MARCHF2: variants seen among roughly 807,000 people sequenced by gnomAD.
MARCHF2 encodes the protein membrane associated ring-CH-type finger 2, also known as E3 ubiquitin-protein ligase MARCHF2.
A neutral mutation model predicts 24.0 loss-of-function variants in MARCHF2; 22 were observed. The ratio of observed to expected loss-of-function variants is 0.92; its 90% CI spans 0.66 to 1.31. MARCHF2 has a LOEUF of 1.31. Ranked by LOEUF, MARCHF2 falls within the 50% of genes most tolerant of loss-of-function variation. MARCHF2 has a pLI of 0.00. For missense variants in MARCHF2, 301 were observed against 335.3 expected, an observed-to-expected ratio of 0.90 and a Z score of 0.80; for synonymous variants, 154 against 153.0, an observed-to-expected ratio of 1.01 and a Z score of -0.05.
At chr19:8,415,737 A>AC (rs377116750) in intron 1 of MARCHF2, among the ~76,000 whole-genome samples, 28,882 of 96,810 alleles carry the variant, frequency 0.3, 5,995 homozygotes, top group Admixed American at 0.39. Context: ...AAAAAAAACA[A>AC]AAAAAACAAA....
intron 4 of MARCHF2, among the ~76,000 whole-genome samples, chr19:8,434,081 CTTTTTTT>C (rs750325194): frequency 2.8e-5 from 3 of 105,994 alleles, no homozygotes; most frequent in African/African-American, 9.9e-5. Context: ...ACCAGCATTT[CTTTTTTT>C]TTTTTTTTTT....
At chr19:8,434,976 G>A (rs1478190062) in intron 4 of MARCHF2, among the ~76,000 whole-genome samples, 1 of 151,682 alleles carries the variant, frequency 6.6e-6, no homozygotes, top group Non-Finnish European at 1.5e-5. Flanking sequence ...AAAATGCTGG[G>A]ATTATAGGCG....
At position 8,426,002 on chromosome 19, in the gene MARCHF2, C is replaced by T. The variant is rs546284896; in HGVS notation, c.177-607C>T. Among the ~76,000 whole-genome samples the T allele has an allele frequency of 1.6e-3, 235 of 151,512 alleles. 1 individual carries two copies. Among genetic ancestry groups the T allele is most frequent in the Middle Eastern group, 0.01 (3 of 294 alleles). On this transcript the variant is annotated intron_variant, in intron 2 of 4. Coordinates refer to ENST00000215555, the MANE Select transcript of MARCHF2 (RefSeq NM_001005415.2). The stretch of plus-strand genomic sequence containing the variant: ...CAGCACTTTGGGAGCCTGAGGCAGG[C>T]GGATCACAATATCAGGAGATCGAGA...
intron 4 of MARCHF2, among the ~76,000 whole-genome samples, chr19:8,436,171 G>T (rs1194021669): frequency 6.6e-6 from 1 of 151,444 alleles, no homozygotes; most frequent in South Asian, 2.1e-4. Context: ...GAGTCTCACT[G>T]TGTGCCAGGC....
chr19:8,418,265 G>T (rs1388621131), intron 1 of MARCHF2: 1 of 152,256 alleles, frequency 6.6e-6, no homozygotes, highest in Non-Finnish European at 1.5e-5. Flanking sequence ...TGCCCTGTGG[G>T]TGTTATCTCA....
intron 2 of MARCHF2, chr19:8,423,771 TGA>T (rs1967318021): frequency 6.6e-6 from 1 of 152,010 alleles, no homozygotes; most frequent in South Asian, 2.1e-4. Flanking sequence ...AGTCCAAGGC[TGA>T]AGGATCGCTT....
In MARCHF2 at chr19:8,426,742, A is replaced by C. The variant is rs1222841978; in HGVS notation, c.310A>C (p.Ser104Arg). ...GAAGTGGCTTTCCTCATCTAACACC[A>C]GCTACTGCGAGCTGTGCCACACGGA... is the stretch of plus-strand genomic sequence containing the variant. ...LEKWLSSSNT[S>R]YCELCHTEFA... The change falls in exon 3 of 5, where the codon AGC becomes CGC. Residue 104 changes from serine (S) to arginine (R), a missense_variant. Coordinates refer to ENST00000215555, the MANE Select transcript of MARCHF2 (RefSeq NM_001005415.2). 5 of 1,612,666 alleles carry C rather than the reference A, an allele frequency of 3.1e-6. No homozygotes were observed. In the African/African-American group the frequency reaches 5.3e-5, roughly 17 times the overall value.
rs542934378 is a variant in MARCHF2 at position 8,424,846 on chromosome 19, G to A, written c.177-1763G>A. On this transcript the variant is annotated intron_variant, in intron 2 of 4. Transcript: ENST00000215555. ...CAAAGAATTTTAGGAATAGATTATC[G>A]GTGACTCTGATGGTATCATACAAGC... 1.8e-4 allele frequency among the ~76,000 whole-genome samples: 28 copies of A among 152,204 alleles called. No homozygotes were observed. The East Asian group carries it at 3.5e-3, about 19-fold the overall frequency.
chr19:8,426,655 T>G lies in MARCHF2; in HGVS notation c.223T>G (p.Cys75Gly). ...RICHEGANGE[C>G]LLSPCGCTGT... ...CTGCCATGAGGGAGCGAACGGGGAG[T>G]GCTTGCTGTCCCCGTGTGGCTGCAC... The change falls in exon 3 of 5, where the codon TGC becomes GGC. Residue 75 changes from cysteine to glycine, a missense_variant. Cys to Gly is a radical substitution (Grantham distance 159). Coordinates refer to ENST00000215555, the MANE Select transcript of MARCHF2 (RefSeq NM_001005415.2). The G allele has an allele frequency of 6.2e-7, 1 of 1,613,526 alleles. No homozygotes were observed. Among genetic ancestry groups the G allele is most frequent in the Non-Finnish European group, 8.5e-7 (1 of 1,179,904 alleles).
At chr19:8,426,253 AGAGTT>A (rs1347774000) in intron 2 of MARCHF2, among the ~76,000 whole-genome samples, 1 of 147,128 alleles carries the variant, frequency 6.8e-6, no homozygotes, top group Non-Finnish European at 1.5e-5. Context: ...AAAAAAAAAA[AGAGTT>A]GAGGGTGGGG....
intron 4 of MARCHF2, among the ~76,000 whole-genome samples, chr19:8,434,760 G>A (rs1216610819): frequency 6.6e-6 from 1 of 152,090 alleles, no homozygotes; most frequent in Non-Finnish European, 1.5e-5. Flanking sequence ...AGGCCAGAGT[G>A]CAATGGTGCA....
chr19:8,437,773 C>G lies in MARCHF2; in HGVS notation c.583-615C>G, dbSNP rs145484354. On this transcript the variant is annotated intron_variant, in intron 4 of 4. Coordinates refer to ENST00000215555, the MANE Select transcript of MARCHF2 (RefSeq NM_001005415.2). ...TAAAAAAATTTTTTTGAGACAGGGT[C>G]TCACTCTGTCGCCCAGGCTGGAGTG... Among the ~76,000 whole-genome samples the G allele has an allele frequency of 1.7e-4, 25 of 150,848 alleles. No homozygotes were observed. In the East Asian group the frequency reaches 4.5e-3, roughly 27 times the overall value.
intron 3 of MARCHF2, chr19:8,427,722 G>T (rs1967446902): frequency 6.6e-6 from 1 of 151,874 alleles, no homozygotes; most frequent in Non-Finnish European, 1.5e-5. Context: ...AGCACTTCGG[G>T]AGGCCGAGGC....
chr19:8,432,118 A>G (rs1967602231), intron 4 of MARCHF2, among the ~76,000 whole-genome samples: 1 of 152,138 alleles, frequency 6.6e-6, no homozygotes, highest in African/African-American at 2.4e-5. Flanking sequence ...AGATCCTGCT[A>G]CTGTACTCCA....
Position 8,428,670 on chromosome 19 carries a change from A to C in MARCHF2, c.372+1866A>C, listed in dbSNP as rs1256778005. Among the ~76,000 whole-genome samples, 17 of 146,154 alleles carry C rather than the reference A, an allele frequency of 1.2e-4. 2 individuals are homozygous for C. In the South Asian group the frequency reaches 2.6e-3, roughly 22 times the overall value. Reference sequence around the variant, plus strand: ...ATCTCAAAAAAAAAAAAAAAAAAAAAAAAAAAAAAAAAACCAAGGCTGGAC... The same window carrying C: ...ATCTCAAAAAAAAAAAAAAAAAAAACAAAAAAAAAAAAACCAAGGCTGGAC... On this transcript the variant is annotated intron_variant, in intron 3 of 4. Coordinates refer to ENST00000215555, the MANE Select transcript of MARCHF2 (RefSeq NM_001005415.2).
chr19:8,428,985 CCA>C (rs1599711925), intron 3 of MARCHF2, among the ~76,000 whole-genome samples: 1 of 152,032 alleles, frequency 6.6e-6, no homozygotes, highest in African/African-American at 2.4e-5. Context: ...CACCTAGGAG[CCA>C]GAGTGTAGGG....
chr19:8,438,683 A>C lies in MARCHF2; in HGVS notation c.*137A>C, dbSNP rs1599721214. The C allele has an allele frequency of 2.5e-6, 2 of 813,470 alleles. No homozygotes were observed. The highest frequency in any genetic ancestry group is 1.9e-5 in the South Asian group (1 of 53,192). The allele number at this position is 813,470 out of a possible 1,614,324, so 50.4% of individuals were successfully genotyped here. A position where few individuals can be genotyped will look rare whatever the true frequency, so the allele number is the denominator to read the frequency against. On this transcript the variant is annotated 3_prime_UTR_variant, in exon 5 of 5. Coordinates refer to ENST00000215555, the MANE Select transcript of MARCHF2 (RefSeq NM_001005415.2). ...CTGAACGCTTCTTAGGCCAAGAGAC[A>C]CCATGCAGAGCCTAGTCTGTGATCC...
At chr19:8,431,830 C>G (rs1430481043) in intron 4 of MARCHF2, among the ~76,000 whole-genome samples, 1 of 150,060 alleles carries the variant, frequency 6.7e-6, no homozygotes, top group Non-Finnish European at 1.5e-5. Flanking sequence ...AAGAGCAAAA[C>G]TCTGTCTCAA....
At chr19:8,424,365 C>A (rs1967338324) in intron 2 of MARCHF2, among the ~76,000 whole-genome samples, 1 of 151,842 alleles carries the variant, frequency 6.6e-6, no homozygotes. Context: ...CAAAGATGTC[C>A]TTAAGAATCT....
Sources: allele counts gnomAD v4.1 joint callset (sites outside exome capture counted in the v4.1 genomes callset), GRCh38; gene constraint gnomAD v4.1.1; transcripts MANE v1.5; gene names NCBI Gene and HGNC (gene_info 2026-07-23, HGNC 2026-07-21).